RPS6KC1: variants seen among roughly 807,000 people sequenced by gnomAD.
RPS6KC1 encodes the protein inactive ribosomal protein S6 kinase delta-1.
A neutral mutation model predicts 103.8 loss-of-function variants in RPS6KC1; 54 were observed. That is an observed-to-expected ratio of 0.52 (90% CI 0.42 to 0.65). RPS6KC1 has a LOEUF of 0.65. Among genes scored for constraint, RPS6KC1 ranks in the 30% least tolerant of loss-of-function variants. The pLI is 0.00. For missense variants in RPS6KC1, 1,151 were observed against 1,253.8 expected (o/e 0.92, Z 1.24); for synonymous variants, 439 against 438.7 (o/e 1.00, Z -0.01).
chr1:213,310,244 C>T, the RPS6KC1 span, among the ~76,000 whole-genome samples: 2 of 152,186 alleles, frequency 1.3e-5, no homozygotes, highest in East Asian at 1.9e-4. Flanking sequence ...CTCCTCTGCT[C>T]ATAACTTCCA....
intron 12 of RPS6KC1, among the ~76,000 whole-genome samples, chr1:213,255,764 A>G (rs900882972): frequency 1.3e-4 from 20 of 152,208 alleles, no homozygotes; most frequent in Non-Finnish European, 2.6e-4. Flanking sequence ...TTTAACACCT[A>G]TAAAGAAATT....
chr1:213,561,548 G>C, the RPS6KC1 span, among the ~76,000 whole-genome samples: 1 of 152,224 alleles, frequency 6.6e-6, no homozygotes, highest in African/African-American at 2.4e-5. Flanking sequence ...AGGGATGCTA[G>C]GTGTGTGCAG....
chr1:213,193,454 G>A (rs971938400), intron 8 of RPS6KC1, among the ~76,000 whole-genome samples: 2 of 151,396 alleles, frequency 1.3e-5, no homozygotes, highest in African/African-American at 4.9e-5. Context: ...TAGAAATGAG[G>A]TTTTACCACA....
chr1:213,720,052 C>G, the RPS6KC1 span, among the ~76,000 whole-genome samples: 54 of 152,188 alleles, frequency 3.5e-4, no homozygotes, highest in Non-Finnish European at 6.6e-4. Context: ...GAGGATTTGA[C>G]GTTCAATAGA....
At chr1:213,472,018 C>T in the RPS6KC1 span, among the ~76,000 whole-genome samples, 9 of 152,104 alleles carry the variant, frequency 5.9e-5, no homozygotes, top group South Asian at 2.1e-4. Flanking sequence ...GGGTCAGCAG[C>T]GGCATCTCAG....
intron 6 of RPS6KC1, among the ~76,000 whole-genome samples, chr1:213,151,783 ACCC>A (rs528454722): frequency 1.1e-5 from 1 of 90,046 alleles, no homozygotes; most frequent in Admixed American, 1.2e-4. Context: ...CGGGGGGCTG[ACCC>A]CCCCCACCTC....
the RPS6KC1 span, among the ~76,000 whole-genome samples, chr1:213,450,373 T>C: frequency 0.015 from 2,299 of 152,044 alleles, 54 homozygotes; most frequent in African/African-American, 0.051. Context: ...TAAATTACTT[T>C]CCTAATTTAC....
chr1:213,287,204 G>A, the RPS6KC1 span, among the ~76,000 whole-genome samples: 149,480 of 152,040 alleles, frequency 0.98, 73,541 homozygotes, highest in East Asian at 1. Flanking sequence ...GTTGGGGCAC[G>A]TGAAGGAACT....
At chr1:213,705,250 C>G in the RPS6KC1 span, among the ~76,000 whole-genome samples, 86 of 152,316 alleles carry the variant, frequency 5.6e-4, 1 homozygote, top group East Asian at 0.011. Flanking sequence ...AGGTGCTGTC[C>G]GGGATCCAGG....
chr1:213,428,527 T>TTCCTTCCTTC, the RPS6KC1 span, among the ~76,000 whole-genome samples: 7 of 114,934 alleles, frequency 6.1e-5, no homozygotes, highest in African/African-American at 2.5e-4. Flanking sequence ...CCTCTTTCTC[T>TTCCTTCCTTC]CTCTCTCTCT....
the RPS6KC1 span, among the ~76,000 whole-genome samples, chr1:213,374,083 A>C: frequency 8.5e-5 from 13 of 152,346 alleles, no homozygotes; most frequent in East Asian, 2.5e-3. Context: ...AGGATCTTGT[A>C]ATGGTTAAGA....
At chr1:213,408,441 A>G in the RPS6KC1 span, among the ~76,000 whole-genome samples, 5 of 152,180 alleles carry the variant, frequency 3.3e-5, no homozygotes, top group Non-Finnish European at 7.4e-5. Flanking sequence ...AAATCTAGGT[A>G]TTGTTGTGAA....
At chr1:213,268,671 G>A (rs1197939136) in intron 14 of RPS6KC1, among the ~76,000 whole-genome samples, 11 of 149,742 alleles carry the variant, frequency 7.3e-5, no homozygotes, top group Admixed American at 6.6e-4. Context: ...ATATATAGAA[G>A]CAATATCTAA....
At chr1:213,511,135 A>G in the RPS6KC1 span, among the ~76,000 whole-genome samples, 1 of 152,222 alleles carries the variant, frequency 6.6e-6, no homozygotes. Flanking sequence ...AAAATCTTGT[A>G]TAAGATTAGT....
the RPS6KC1 span, among the ~76,000 whole-genome samples, chr1:213,617,259 A>G: frequency 6.6e-6 from 1 of 152,112 alleles, no homozygotes; most frequent in African/African-American, 2.4e-5. Context: ...GTGTCACCAC[A>G]TCTAATGACA....
the RPS6KC1 span, among the ~76,000 whole-genome samples, chr1:213,602,078 C>CTCTTTCTT: frequency 3.6e-4 from 14 of 38,584 alleles, 1 homozygote; most frequent in African/African-American, 1.6e-3. Flanking sequence ...TTCTTTCTTT[C>CTCTTTCTT]TCTTTCTTTC....
At chr1:213,571,256 T>C in the RPS6KC1 span, among the ~76,000 whole-genome samples, 5 of 152,344 alleles carry the variant, frequency 3.3e-5, no homozygotes, top group Admixed American at 3.3e-4. Flanking sequence ...TTATTGAGCA[T>C]CTTCTCAGCA....
chr1:213,307,839 T>C, the RPS6KC1 span, among the ~76,000 whole-genome samples: 2 of 152,182 alleles, frequency 1.3e-5, no homozygotes, highest in Non-Finnish European at 2.9e-5. Flanking sequence ...TCTGGTCTCC[T>C]GTCTTTCTTT....
chr1:213,211,172 A>G (rs1328635020), intron 8 of RPS6KC1, among the ~76,000 whole-genome samples: 1 of 152,260 alleles, frequency 6.6e-6, no homozygotes, highest in Non-Finnish European at 1.5e-5. Context: ...TAAATTTAAC[A>G]GTGTCAAGTT....
Sources: gnomAD v4.1 joint callset for allele counts (sites outside exome capture counted in the v4.1 genomes callset) on GRCh38, gnomAD v4.1.1 for gene constraint, MANE v1.5 for transcripts, NCBI Gene and HGNC (gene_info 2026-07-23, HGNC 2026-07-21) for gene names.